EPX: variants seen among roughly 807,000 people sequenced by gnomAD.
EPX encodes the protein eosinophil peroxidase.
EPX carries 60 observed loss-of-function variants against 73.0 expected under a neutral mutation model. That is an observed-to-expected ratio of 0.82 (90% CI 0.67 to 1.02). The LOEUF is 1.02. Ranked by LOEUF, EPX falls within the 50% of genes least tolerant of loss-of-function variation. The pLI is 0.00. For missense variants in EPX, 950 were observed against 973.9 expected (o/e 0.98, Z 0.33); for synonymous variants, 347 against 389.2 (o/e 0.89, Z 1.28).
chr17:58,196,395 A>G (rs1423443800), intron 6 of EPX, among the ~76,000 whole-genome samples: 5 of 152,196 alleles, frequency 3.3e-5, no homozygotes, highest in Non-Finnish European at 7.4e-5. Flanking sequence ...GGCGTGAGCC[A>G]CCACACCTGG....
chr17:58,201,855 G>C (rs1015930057), intron 10 of EPX, among the ~76,000 whole-genome samples: 1 of 151,714 alleles, frequency 6.6e-6, no homozygotes, highest in African/African-American at 2.4e-5. Flanking sequence ...ATAAAAGGAA[G>C]AGCTGGAGAG....
In EPX at chr17:58,204,263, G is replaced by A. The variant is rs150085970; in HGVS notation, c.1988G>A (p.Arg663His). 4.6e-5 allele frequency: 75 copies of A among 1,613,998 alleles called. No individual in the cohort carries two copies. The highest frequency in any genetic ancestry group is 6.0e-5 in the Non-Finnish European group (71 of 1,179,982). ...CGAGGTGTTTTCACCAAAAGACAGC[G>A]CAAGGCCCTGAGCAGAATTTCCTTG... ...QKRGVFTKRQ[R>H]KALSRISLSR... The change falls in exon 12 of 13, where the codon CGC becomes CAC. Residue 663 changes from arginine to histidine, a missense_variant. Physicochemically the swap from Arg to His is conservative, Grantham distance 29 (BLOSUM62 0). Transcript: ENST00000225371.
intron 7 of EPX, among the ~76,000 whole-genome samples, chr17:58,197,806 G>A (rs1228596398): frequency 2.6e-5 from 4 of 151,892 alleles, no homozygotes; most frequent in Non-Finnish European, 4.4e-5. Context: ...CAATAATAAT[G>A]GTAGTCATTT....
Position 58,199,532 on chromosome 17 carries a change from C to T in EPX, c.1282-7C>T, listed in dbSNP as rs376243225. The T allele has an allele frequency of 6.2e-7, 1 of 1,613,984 alleles. No homozygotes were observed. Among genetic ancestry groups the T allele is most frequent in the African/African-American group, 1.3e-5 (1 of 74,938 alleles). On this transcript the variant is annotated splice_region_variant and splice_polypyrimidine_tract_variant and intron_variant, in intron 8 of 12. Coordinates refer to ENST00000225371, the MANE Select transcript of EPX (RefSeq NM_000502.6). ...CTGGGGAATGTTCCTCCTGTCTTCC[C>T]TTCCAGATCATCACCTACCGAGACT...
Position 58,193,723 on chromosome 17 carries a change from C to T in EPX, c.356C>T (p.Thr119Ile). ...ATTTGCCTTCCCACAGATGTGCTAA[C>T]AGAACCACAGCTGCGGCTGCTGTCC... is the stretch of plus-strand genomic sequence containing the variant. Reference protein sequence around the residue: ...SGPFNVTDVLTEPQLRLLSQA... With the variant: ...SGPFNVTDVLIEPQLRLLSQA... Residue 119 changes from threonine (T) to isoleucine (I), a missense_variant, in exon 4 of 13, where the codon ACA becomes ATA. Coordinates refer to ENST00000225371, the MANE Select transcript of EPX (RefSeq NM_000502.6). 3.7e-6 allele frequency: 6 copies of T among 1,611,420 alleles called. No homozygotes were observed. Among genetic ancestry groups the T allele is most frequent in the Non-Finnish European group, 5.1e-6 (6 of 1,179,096 alleles).
intron 9 of EPX, 89 bp downstream of exon 9, chr17:58,199,883 G>T: frequency 7.0e-7 from 1 of 1,437,308 alleles, no homozygotes; most frequent in Non-Finnish European, 9.6e-7. Context: ...AGGAAGCCAG[G>T]CTGCTGCAGA....
chr17:58,204,159 C>T, intron 11 of EPX, 63 bp from the exon 12 acceptor site: 1 of 1,088,116 alleles, frequency 9.2e-7, no homozygotes, highest in Non-Finnish European at 1.4e-6. Flanking sequence ...TGGCACACAA[C>T]AGGTGCTCAT....
intron 9 of EPX, 127 bp downstream of exon 9, chr17:58,199,921 G>T: frequency 9.5e-7 from 1 of 1,052,384 alleles, no homozygotes; most frequent in African/African-American, 1.6e-5. Flanking sequence ...CCCCAGGACA[G>T]TGGAAACAAG....
Position 58,203,106 on chromosome 17 carries a change from T to G in EPX, c.1734T>G (p.Cys578Trp). The change falls in exon 11 of 13, where the codon TGT becomes TGG. Residue 578 changes from cysteine (C) to tryptophan (W), a missense_variant. By Grantham distance (215) the Cys-to-Trp change is radical (BLOSUM62 -2). Transcript: ENST00000225371. Reference sequence around the variant, plus strand: ...GGTACAATGCTTGGAGGCGCTTCTGTGGGCTCTCCCAGCCCCGGAATTTGG... The same window carrying G: ...GGTACAATGCTTGGAGGCGCTTCTGGGGGCTCTCCCAGCCCCGGAATTTGG... The part of the protein sequence containing the change: ...LPGYNAWRRF[C>W]GLSQPRNLAQ... 6.2e-7 allele frequency: 1 copy of G among 1,613,966 alleles called. No homozygotes were observed. Among genetic ancestry groups the G allele is most frequent in the Non-Finnish European group, 8.5e-7 (1 of 1,179,912 alleles).
rs768655305 is a variant in EPX at position 58,195,179 on chromosome 17, C to T, written c.801+9C>T. 2 of 1,609,824 alleles carry T rather than the reference C, an allele frequency of 1.2e-6. No individual in the cohort carries two copies. Among genetic ancestry groups the T allele is most frequent in the Non-Finnish European group, 8.5e-7 (1 of 1,176,720 alleles). The stretch of plus-strand genomic sequence containing the variant: ...CCTGCTTTCCCATCAAGGTACCTAC[C>T]CTCAGCCAATCTCCCATGCCCTTGT... On this transcript the variant is annotated intron_variant, in intron 6 of 12. Transcript: ENST00000225371.
At chr17:58,192,982 G>T in intron 1 of EPX, 56 bp from the exon 2 acceptor site, 1 of 1,595,824 alleles carries the variant, frequency 6.3e-7, no homozygotes, top group Non-Finnish European at 8.6e-7. Flanking sequence ...AAGCACTTGG[G>T]TCTTGGAGGG....
Position 58,203,065 on chromosome 17 carries a change from C to G in EPX, c.1709-16C>G. ...GATCAGCAAGACTGAAGCTGCTTCT[C>G]CCCGTTCCCCTGCAGGGTACAATGC... On this transcript the variant is annotated splice_polypyrimidine_tract_variant and intron_variant, in intron 10 of 12. Transcript: ENST00000225371. 6.3e-7 allele frequency: 1 copy of G among 1,591,324 alleles called. No homozygotes were observed.
chr17:58,198,168 C>G (rs1024814215), intron 7 of EPX, among the ~76,000 whole-genome samples: 1 of 152,198 alleles, frequency 6.6e-6, no homozygotes, highest in Admixed American at 6.5e-5. Flanking sequence ...CATCTCTAAA[C>G]CTTGCAACAG....
chr17:58,195,152 C>A lies in EPX; in HGVS notation c.783C>A (p.Pro261=). 1 of 1,613,832 alleles carries A rather than the reference C, an allele frequency of 6.2e-7. No individual in the cohort carries two copies. Among genetic ancestry groups the A allele is most frequent in the African/African-American group, 1.3e-5 (1 of 75,032 alleles). The part of the protein sequence containing the change: ...VDCERTCAQL[P]PCFPIKIPPN... ...GTGAGAGGACCTGCGCCCAGCTGCC[C>A]CCCTGCTTTCCCATCAAGGTACCTA... The change falls in exon 6 of 13, where the codon CCC becomes CCA. Residue 261 remains proline (P), a synonymous_variant. Transcript: ENST00000225371.
chr17:58,198,884 G>A (rs1046367259), intron 7 of EPX, among the ~76,000 whole-genome samples, 156 bp from the exon 8 acceptor site: 3 of 152,222 alleles, frequency 2.0e-5, no homozygotes, highest in African/African-American at 7.2e-5. Context: ...GGAGGGTGGC[G>A]ATGAGGAGCC....
intron 10 of EPX, among the ~76,000 whole-genome samples, chr17:58,201,110 G>A (rs1403328792): frequency 6.6e-6 from 1 of 152,204 alleles, no homozygotes; most frequent in East Asian, 1.9e-4. Context: ...TTCAACCCCA[G>A]TAGGGGAAGG....
At position 58,199,028 on chromosome 17, in the gene EPX, G is replaced by A. The variant is rs1006586103; in HGVS notation, c.1121-12G>A. ...GAAAGGCTGCAGTAAATCTGAGCTT[G>A]GGGTTTTCAAGGTGACACCCGATCA... On this transcript the variant is annotated splice_polypyrimidine_tract_variant and intron_variant, in intron 7 of 12. Transcript: ENST00000225371. 1.4e-5 allele frequency: 23 copies of A among 1,612,938 alleles called. No homozygotes were observed. Among genetic ancestry groups the A allele is most frequent in the African/African-American group, 2.7e-5 (2 of 74,926 alleles).
At chr17:58,197,896 C>A (rs535466805) in intron 7 of EPX, among the ~76,000 whole-genome samples, 8 of 152,122 alleles carry the variant, frequency 5.3e-5, no homozygotes, top group Non-Finnish European at 1.2e-4. Flanking sequence ...AGTGCAGTGG[C>A]GTGATCTCAG....
At chr17:58,192,981 G>A in intron 1 of EPX, 57 bp from the exon 2 acceptor site, 1 of 1,593,656 alleles carries the variant, frequency 6.3e-7, no homozygotes, top group South Asian at 1.1e-5. Flanking sequence ...GAAGCACTTG[G>A]GTCTTGGAGG....
Sources: allele counts gnomAD v4.1 joint callset (sites outside exome capture counted in the v4.1 genomes callset), GRCh38; gene constraint gnomAD v4.1.1; transcripts MANE v1.5; gene names NCBI Gene and HGNC (gene_info 2026-07-23, HGNC 2026-07-21).